MEGF11: variants seen among roughly 807,000 people sequenced by gnomAD.
MEGF11 encodes multiple epidermal growth factor-like domains protein 11.
In MEGF11, 126 loss-of-function variants were observed where a neutral mutation model predicts 146.6. The observed-to-expected ratio is 0.86, with a 90% CI of 0.74 to 1.00. The LOEUF is 1.00. Ranked by LOEUF, MEGF11 falls within the 50% of genes least tolerant of loss-of-function variation. The probability of loss-of-function intolerance (pLI) is 0.00; values close to 1 mark genes in which losing one functional copy is unlikely to be tolerated. For synonymous variants in MEGF11, 532 were observed against 583.4 expected (o/e 0.91, Z 1.27); for missense variants, 1,509 against 1,521.2 (o/e 0.99, Z 0.13).
intron 3 of MEGF11, among the ~76,000 whole-genome samples, chr15:66,122,064 A>C (rs888527544): frequency 7.2e-5 from 11 of 152,268 alleles, no homozygotes; most frequent in Admixed American, 5.9e-4. Context: ...GGAGTTCGAG[A>C]CCAGCCTGGC....
At chr15:66,036,225 A>C (rs1370156494) in intron 5 of MEGF11, among the ~76,000 whole-genome samples, 1 of 152,252 alleles carries the variant, frequency 6.6e-6, no homozygotes, top group Non-Finnish European at 1.5e-5. Flanking sequence ...GAGGGACTCC[A>C]GCTGCCCACA....
At chr15:66,101,759 G>A (rs1053541202) in intron 4 of MEGF11, among the ~76,000 whole-genome samples, 1 of 152,196 alleles carries the variant, frequency 6.6e-6, no homozygotes, top group Non-Finnish European at 1.5e-5. Context: ...CTGGCTGAAG[G>A]TGAATACATA....
chr15:66,033,727 T>A (rs2083618367), intron 5 of MEGF11, among the ~76,000 whole-genome samples: 1 of 152,268 alleles, frequency 6.6e-6, no homozygotes, highest in South Asian at 2.1e-4. Context: ...CAAAGGAAAT[T>A]ATTCTCCAGC....
chr15:65,987,957 C>T (rs1188207441), intron 5 of MEGF11, among the ~76,000 whole-genome samples: 1 of 151,078 alleles, frequency 6.6e-6, no homozygotes, highest in African/African-American at 2.4e-5. Context: ...GATCTGCCCA[C>T]CTTGGCCTCC....
chr15:66,040,804 G>A (rs1175871842), intron 5 of MEGF11, among the ~76,000 whole-genome samples: 5 of 152,150 alleles, frequency 3.3e-5, no homozygotes, highest in Non-Finnish European at 7.3e-5. Flanking sequence ...CACCATGCAT[G>A]GTTATGTATG....
At position 65,965,964 on chromosome 15, in the gene MEGF11, C is replaced by T. The variant is rs79850723; in HGVS notation, c.900-844G>A. On this transcript the variant is annotated intron_variant, in intron 8 of 25. Coordinates refer to ENST00000395614, the MANE Select transcript of MEGF11 (RefSeq NM_001385028.1). Reference sequence around the variant, plus strand: ...CGTCTTCCCAAACTGAAACTCTGCACCCATTAAACAAAAAACTGTTTAGGT... The same window carrying T: ...CGTCTTCCCAAACTGAAACTCTGCATCCATTAAACAAAAAACTGTTTAGGT... Among the ~76,000 whole-genome samples, 1,237 of 152,218 alleles carry T rather than the reference C, an allele frequency of 8.1e-3. 14 individuals carry two copies. Among genetic ancestry groups the T allele is most frequent in the African/African-American group, 0.029 (1,189 of 41,522 alleles).
At chr15:65,902,870 G>A (rs1852186294) in intron 24 of MEGF11, among the ~76,000 whole-genome samples, 1 of 152,184 alleles carries the variant, frequency 6.6e-6, no homozygotes, top group Admixed American at 6.5e-5. Flanking sequence ...ATCAAATCTA[G>A]AGAGAGGCAG....
At chr15:65,944,103 T>A (rs1356893212) in intron 10 of MEGF11, among the ~76,000 whole-genome samples, 3 of 152,162 alleles carry the variant, frequency 2.0e-5, no homozygotes, top group Non-Finnish European at 4.4e-5. Context: ...ACATATTTAC[T>A]GACACTCTGT....
At chr15:65,994,971 C>T (rs1421143440) in intron 5 of MEGF11, among the ~76,000 whole-genome samples, 1 of 152,216 alleles carries the variant, frequency 6.6e-6, no homozygotes, top group African/African-American at 2.4e-5. Context: ...CTAGAGGTCA[C>T]ATGAGATGCT....
At chr15:65,921,128 T>G (rs2079158133) in intron 15 of MEGF11, among the ~76,000 whole-genome samples, 1 of 152,208 alleles carries the variant, frequency 6.6e-6, no homozygotes, top group African/African-American at 2.4e-5. Flanking sequence ...GCCCACACAC[T>G]TGCAAAAATA....
intron 1 of MEGF11, among the ~76,000 whole-genome samples, chr15:66,165,432 G>C (rs562838269): frequency 3.9e-5 from 6 of 152,322 alleles, no homozygotes; most frequent in Admixed American, 3.3e-4. Context: ...TTACTCAGGA[G>C]AGTAGGGGCT....
chr15:66,140,092 A>G (rs1315142392), intron 1 of MEGF11, among the ~76,000 whole-genome samples: 1 of 152,170 alleles, frequency 6.6e-6, no homozygotes, highest in African/African-American at 2.4e-5. Flanking sequence ...TCTCCTGAAA[A>G]GCAGCTTTTA....
At chr15:66,117,246 G>T (rs2087774589) in intron 4 of MEGF11, among the ~76,000 whole-genome samples, 1 of 152,030 alleles carries the variant, frequency 6.6e-6, no homozygotes, top group Non-Finnish European at 1.5e-5. Context: ...CAGCACCTAG[G>T]GTGCCACACA....
chr15:65,911,342 T>A (rs192575344), intron 21 of MEGF11, among the ~76,000 whole-genome samples: 1 of 152,268 alleles, frequency 6.6e-6, no homozygotes, highest in Non-Finnish European at 1.5e-5. Flanking sequence ...TAACAGTAGT[T>A]ACTCTATAAT....
At chr15:65,953,821 G>A (rs1392515885) in intron 10 of MEGF11, among the ~76,000 whole-genome samples, 2 of 151,966 alleles carry the variant, frequency 1.3e-5, no homozygotes, top group Non-Finnish European at 2.9e-5. Context: ...TGGAGACCAC[G>A]TGACTAGGGC....
chr15:65,976,286 C>G (rs981984296), intron 7 of MEGF11, among the ~76,000 whole-genome samples: 2 of 152,162 alleles, frequency 1.3e-5, no homozygotes, highest in South Asian at 4.1e-4. Flanking sequence ...GGTGATCCAC[C>G]CGCCTCGGCC....
intron 8 of MEGF11, among the ~76,000 whole-genome samples, chr15:65,967,623 G>A (rs895614427): frequency 2.0e-5 from 3 of 152,118 alleles, no homozygotes; most frequent in African/African-American, 7.2e-5. Flanking sequence ...TGTGGGGGAT[G>A]AGAGCAGCCA....
chr15:65,933,887 G>T (rs2079666443), intron 10 of MEGF11, among the ~76,000 whole-genome samples: 2 of 152,200 alleles, frequency 1.3e-5, no homozygotes, highest in African/African-American at 4.8e-5. Flanking sequence ...GGATTAAGAG[G>T]ATTAAATTAG....
chr15:65,955,281 T>C lies in MEGF11; in HGVS notation c.1287+2266A>G, dbSNP rs963393905. Among the ~76,000 whole-genome samples, 14 of 152,128 alleles carry C rather than the reference T, an allele frequency of 9.2e-5. 1 individual carries two copies. Among genetic ancestry groups the C allele is most frequent in the Admixed American group, 4.6e-4 (7 of 15,266 alleles). ...ACTGTGGAAATTACAACAAAAAATG[T>C]ACACTAACAAAGGTAAATTAAGAGA... On this transcript the variant is annotated intron_variant, in intron 10 of 25. Coordinates refer to ENST00000395614, the MANE Select transcript of MEGF11 (RefSeq NM_001385028.1).
Sources: gnomAD v4.1 joint callset for allele counts (sites outside exome capture counted in the v4.1 genomes callset) on GRCh38, gnomAD v4.1.1 for gene constraint, MANE v1.5 for transcripts, NCBI Gene and HGNC (gene_info 2026-07-23, HGNC 2026-07-21) for gene names.